The following FAM151B variants were observed in gnomAD, a reference collection of about 807,000 sequenced individuals.
The protein encoded by FAM151B is family with sequence similarity 151 member B.
In FAM151B, 24 loss-of-function variants were observed where a neutral mutation model predicts 31.2. The observed-to-expected ratio is 0.77, with a 90% CI of 0.56 to 1.08. FAM151B has a LOEUF of 1.08. Among genes scored for constraint, FAM151B ranks in the 50% least tolerant of loss-of-function variants. The pLI, the probability that FAM151B is intolerant of heterozygous loss-of-function variation, is 0.00. For synonymous variants in FAM151B, 105 were observed against 111.4 expected (o/e 0.94, Z 0.36); for missense variants, 293 against 328.6 (o/e 0.89, Z 0.84).
At chr5:80,496,911 AG>A (rs1297668659) in intron 1 of FAM151B, among the ~76,000 whole-genome samples, 1 of 139,230 alleles carries the variant, frequency 7.2e-6, no homozygotes, top group Non-Finnish European at 1.5e-5. Context: ...CCTGGGTTCG[AG>A]CTATTTCCCT....
At chr5:80,511,898 TGCTTG>T (rs1744205700) in intron 2 of FAM151B, among the ~76,000 whole-genome samples, 1 of 152,210 alleles carries the variant, frequency 6.6e-6, no homozygotes, top group Non-Finnish European at 1.5e-5. Context: ...TGAGCCACCA[TGCTTG>T]GCCATTTCCA....
intron 1 of FAM151B, chr5:80,495,181 G>A (rs1407965017): frequency 6.6e-6 from 1 of 152,228 alleles, no homozygotes; most frequent in Non-Finnish European, 1.5e-5. Context: ...ACTGTTGATT[G>A]ACAAGGCACC....
chr5:80,500,529 C>T, intron 1 of FAM151B: 1 of 758,962 alleles, frequency 1.3e-6, no homozygotes, highest in Non-Finnish European at 2.4e-6. Context: ...ATATACAGAA[C>T]TGAATTTTGA....
chr5:80,504,259 C>T (rs1743862357), intron 2 of FAM151B, among the ~76,000 whole-genome samples: 1 of 152,134 alleles, frequency 6.6e-6, no homozygotes, highest in African/African-American at 2.4e-5. Flanking sequence ...ATTCTTGTAT[C>T]TAATATCCAA....
intron 3 of FAM151B, among the ~76,000 whole-genome samples, chr5:80,517,191 G>A (rs1014033363): frequency 5.9e-5 from 9 of 152,012 alleles, no homozygotes; most frequent in Admixed American, 5.2e-4. Flanking sequence ...ATAGTATATT[G>A]CTATAATTGT....
intron 5 of FAM151B, among the ~76,000 whole-genome samples, chr5:80,524,358 A>G (rs1744857919): frequency 2.0e-5 from 3 of 152,088 alleles, no homozygotes; most frequent in Admixed American, 2.0e-4. Context: ...CCTAAAATCT[A>G]TTATGTTAGC....
At chr5:80,527,047 CACA>C (rs771261574) in intron 5 of FAM151B, among the ~76,000 whole-genome samples, 8 of 152,240 alleles carry the variant, frequency 5.3e-5, no homozygotes, top group Non-Finnish European at 1.0e-4. Context: ...TTACCTTTAA[CACA>C]ACAACTTAGT....
At chr5:80,530,787 A>G (rs1161573771) in intron 5 of FAM151B, among the ~76,000 whole-genome samples, 1 of 152,234 alleles carries the variant, frequency 6.6e-6, no homozygotes, top group Non-Finnish European at 1.5e-5. Context: ...GGAAGAATCA[A>G]TACCGTGAAA....
chr5:80,512,928 G>T (rs1744248708), intron 2 of FAM151B, among the ~76,000 whole-genome samples: 1 of 152,066 alleles, frequency 6.6e-6, no homozygotes, highest in African/African-American at 2.4e-5. Flanking sequence ...GATTTTCTGG[G>T]ATTTCAAAAT....
At chr5:80,495,662 C>T (rs1461475018) in intron 1 of FAM151B, among the ~76,000 whole-genome samples, 2 of 151,938 alleles carry the variant, frequency 1.3e-5, no homozygotes, top group Non-Finnish European at 2.9e-5. Context: ...AACCCCGTCT[C>T]TACTAAAAAT....
At chr5:80,529,762 A>T (rs1277867119) in intron 5 of FAM151B, among the ~76,000 whole-genome samples, 1 of 152,216 alleles carries the variant, frequency 6.6e-6, no homozygotes, top group Non-Finnish European at 1.5e-5. Context: ...CACCAACCAA[A>T]AAAAGTCCAG....
intron 2 of FAM151B, among the ~76,000 whole-genome samples, chr5:80,508,880 G>C (rs1369497148): frequency 1.3e-5 from 2 of 152,186 alleles, no homozygotes; most frequent in South Asian, 2.1e-4. Context: ...CTTAATAAAG[G>C]GTCATATGGT....
At chr5:80,512,208 G>T (rs1236673765) in intron 2 of FAM151B, among the ~76,000 whole-genome samples, 1 of 152,116 alleles carries the variant, frequency 6.6e-6, no homozygotes, top group Admixed American at 6.5e-5. Context: ...ACAGTTCTTT[G>T]GGTGACTATG....
At chr5:80,528,687 C>T (rs549078900) in intron 5 of FAM151B, among the ~76,000 whole-genome samples, 8 of 151,620 alleles carry the variant, frequency 5.3e-5, no homozygotes, top group African/African-American at 1.9e-4. Context: ...GCTATAATCA[C>T]ACCACTGCAC....
chr5:80,515,267 T>TAA (rs35615123), intron 3 of FAM151B, among the ~76,000 whole-genome samples: 2 of 151,488 alleles, frequency 1.3e-5, no homozygotes, highest in African/African-American at 2.4e-5. Flanking sequence ...AAATAAATAA[T>TAA]AAAAAATCAT....
intron 5 of FAM151B, among the ~76,000 whole-genome samples, chr5:80,527,320 C>T (rs990849618): frequency 5.3e-5 from 8 of 151,686 alleles, no homozygotes; most frequent in Non-Finnish European, 1.2e-4. Context: ...CTACTCAGGA[C>T]GCTGAGGCAG....
At chr5:80,539,367 A>G (rs1215600498) in intron 5 of FAM151B, among the ~76,000 whole-genome samples, 3 of 103,068 alleles carry the variant, frequency 2.9e-5, no homozygotes, top group Non-Finnish European at 6.0e-5. Context: ...GTCTTATTTA[A>G]TGATTTTTTT....
rs192037224 is a variant in FAM151B, at chr5:80,539,174, T to C, written c.672-2499T>C. Among the ~76,000 whole-genome samples the C allele has an allele frequency of 3.0e-4, 45 of 152,240 alleles. No individual in the cohort carries two copies. The East Asian group carries it at 8.1e-3, about 27-fold the overall frequency. ...ATTGTTTTCGTGAATAACCTTATTG[T>C]AAATGTGTTATTTTTCATATGTACA... On this transcript the variant is annotated intron_variant, in intron 5 of 5. Coordinates refer to ENST00000282226, the MANE Select transcript of FAM151B (RefSeq NM_205548.3).
rs191979722 is a variant in FAM151B at position 80,507,359 on chromosome 5, T to C, written c.151+5442T>C. 2.6e-5 allele frequency among the ~76,000 whole-genome samples: 4 copies of C among 152,234 alleles called. No individual in the cohort carries two copies. In the East Asian group the frequency reaches 7.7e-4, roughly 29 times the overall value. The stretch of plus-strand genomic sequence containing the variant: ...ATACAAGTATACTTTGATCCCTGTC[T>C]ACTTAACTTGGCTATTTTATTTCTC... On this transcript the variant is annotated intron_variant, in intron 2 of 5. Transcript: ENST00000282226.
Sources: gnomAD v4.1 joint callset for allele counts (sites outside exome capture counted in the v4.1 genomes callset) on GRCh38, gnomAD v4.1.1 for gene constraint, MANE v1.5 for transcripts, NCBI Gene and HGNC (gene_info 2026-07-23, HGNC 2026-07-21) for gene names.